The following MAP3K5 variants were observed in gnomAD, a reference collection of about 807,000 sequenced individuals.
The protein encoded by MAP3K5 is ASK-1.
MAP3K5 carries 56 observed loss-of-function variants against 158.7 expected under a neutral mutation model. The observed-to-expected ratio is 0.35, with a 90% CI of 0.28 to 0.44. MAP3K5 has a LOEUF of 0.44. Among genes scored for constraint, MAP3K5 ranks in the 20% least tolerant of loss-of-function variants. The pLI, the probability that MAP3K5 is intolerant of heterozygous loss-of-function variation, is 1.00. For synonymous variants in MAP3K5, 579 were observed against 601.7 expected, an observed-to-expected ratio of 0.96 and a Z score of 0.55; for missense variants, 1,294 against 1,674.8, an observed-to-expected ratio of 0.77 and a Z score of 3.97.
rs550451189 is a variant in MAP3K5 at position 136,757,908 on chromosome 6, C to A, written c.448+33802G>T. Among the ~76,000 whole-genome samples the A allele has an allele frequency of 2.6e-4, 40 of 152,130 alleles. No individual in the cohort carries two copies. The South Asian group carries it at 3.9e-3, about 15-fold the overall frequency. On this transcript the variant is annotated intron_variant, in intron 1 of 29. Transcript: ENST00000359015. ...CTCATTTTATAGATCTTAGAGGCTTCTTTTCATAACTGAAATATCTGAATA... is the reference window on the plus strand; with the variant it reads ...CTCATTTTATAGATCTTAGAGGCTTATTTTCATAACTGAAATATCTGAATA...
At chr6:136,606,687 G>A (rs1216778817) in intron 18 of MAP3K5, among the ~76,000 whole-genome samples, 1 of 152,214 alleles carries the variant, frequency 6.6e-6, no homozygotes, top group East Asian at 1.9e-4. Context: ...CATCCAAGAT[G>A]CCATGTTGAA....
At chr6:136,706,225 C>CA (rs943832355) in intron 2 of MAP3K5, among the ~76,000 whole-genome samples, 9 of 151,982 alleles carry the variant, frequency 5.9e-5, no homozygotes, top group Admixed American at 5.2e-4. Flanking sequence ...GAGATCGCAC[C>CA]ACTGCACTCT....
intron 29 of MAP3K5, among the ~76,000 whole-genome samples, chr6:136,558,063 C>G (rs1830327972): frequency 6.6e-6 from 1 of 152,184 alleles, no homozygotes; most frequent in Non-Finnish European, 1.5e-5. Context: ...TGAAATTTGT[C>G]TTTATAATGG....
chr6:136,572,990 A>G (rs112449697), intron 25 of MAP3K5, among the ~76,000 whole-genome samples: 1 of 152,370 alleles, frequency 6.6e-6, no homozygotes, highest in East Asian at 1.9e-4. Context: ...ACCTAGTTAT[A>G]TATATAATTC....
At chr6:136,607,279 T>A (rs1248464053) in intron 18 of MAP3K5, among the ~76,000 whole-genome samples, 1 of 152,214 alleles carries the variant, frequency 6.6e-6, no homozygotes, top group African/African-American at 2.4e-5. Context: ...TTATAGTGGA[T>A]CAAAATTTGG....
At chr6:136,599,362 G>T (rs988935231) in intron 21 of MAP3K5, among the ~76,000 whole-genome samples, 1 of 152,122 alleles carries the variant, frequency 6.6e-6, no homozygotes, top group Non-Finnish European at 1.5e-5. Flanking sequence ...CAAGAACGGC[G>T]AAAGGGCAGT....
At chr6:136,566,355 G>A (rs771616603) in intron 26 of MAP3K5, among the ~76,000 whole-genome samples, 2 of 152,158 alleles carry the variant, frequency 1.3e-5, no homozygotes, top group Non-Finnish European at 2.9e-5. Flanking sequence ...GGTGGGAGGA[G>A]GTCAACCAAA....
In MAP3K5 at chr6:136,609,852, A is replaced by G. The variant is rs1468507886; in HGVS notation, c.2521+1430T>C. ...GCCAGGCATGACATCCTAGATACTT[A>G]GGAGAGTGGGGTGGGTGGACTGCTT... On this transcript the variant is annotated intron_variant, in intron 18 of 29. Coordinates refer to ENST00000359015, the MANE Select transcript of MAP3K5 (RefSeq NM_005923.4). The surrounding 1 kb of genome is among the most constrained non-coding windows in gnomAD (Gnocchi z 4.4). Among the ~76,000 whole-genome samples the G allele has an allele frequency of 6.7e-6, 1 of 149,090 alleles. No homozygotes were observed. Among genetic ancestry groups the G allele is most frequent in the Admixed American group, 6.7e-5 (1 of 14,864 alleles).
intron 14 of MAP3K5, among the ~76,000 whole-genome samples, chr6:136,633,192 T>C (rs1205234894): frequency 1.3e-5 from 2 of 151,880 alleles, no homozygotes; most frequent in Non-Finnish European, 2.9e-5. Flanking sequence ...TGAGGTCAGA[T>C]GTTCAAGACC....
intron 9 of MAP3K5, among the ~76,000 whole-genome samples, chr6:136,657,772 G>A (rs1357523376): frequency 6.6e-6 from 1 of 152,138 alleles, no homozygotes; most frequent in South Asian, 2.1e-4. Context: ...AGTGTTCCTC[G>A]GAGAATGTGT....
At chr6:136,765,808 G>A (rs1783944627) in intron 1 of MAP3K5, among the ~76,000 whole-genome samples, 1 of 151,776 alleles carries the variant, frequency 6.6e-6, no homozygotes, top group Non-Finnish European at 1.5e-5. Flanking sequence ...GGGATTACAG[G>A]TGTGAGCCAC....
chr6:136,639,548 A>G lies in MAP3K5; in HGVS notation c.1929T>C (p.Cys643=). The stretch of plus-strand genomic sequence containing the variant: ...ACACAATGACTAATACGTACTTTTT[A>G]CAATGAAGTTCTGTACAGAAATAGA... ...FQIYFCTELH[C]KKFFEMVNTI... Residue 643 remains cysteine (C), a synonymous_variant, in exon 13 of 30, where the codon TGT becomes TGC. Coordinates refer to ENST00000359015, the MANE Select transcript of MAP3K5 (RefSeq NM_005923.4). The G allele has an allele frequency of 6.4e-7, 1 of 1,564,278 alleles. No individual in the cohort carries two copies. Among genetic ancestry groups the G allele is most frequent in the Non-Finnish European group, 8.7e-7 (1 of 1,146,318 alleles).
At chr6:136,593,944 G>T (rs1775509979) in intron 21 of MAP3K5, among the ~76,000 whole-genome samples, 1 of 152,184 alleles carries the variant, frequency 6.6e-6, no homozygotes. Context: ...GCTGTAGCGA[G>T]AAAGACGGAA....
intron 19 of MAP3K5, among the ~76,000 whole-genome samples, chr6:136,602,549 C>T (rs1775924182): frequency 6.6e-6 from 1 of 152,146 alleles, no homozygotes; most frequent in South Asian, 2.1e-4. Context: ...AGCAATCCAC[C>T]CACCTCAGCC....
At chr6:136,672,376 G>C (rs187778233) in intron 7 of MAP3K5, among the ~76,000 whole-genome samples, 1 of 152,186 alleles carries the variant, frequency 6.6e-6, no homozygotes, top group Non-Finnish European at 1.5e-5. Flanking sequence ...TCTTTCATGG[G>C]GCATTTGCTG....
intron 15 of MAP3K5, among the ~76,000 whole-genome samples, chr6:136,621,520 C>T (rs9389415): frequency 0.062 from 9,358 of 152,158 alleles, 637 homozygotes; most frequent in African/African-American, 0.16. Flanking sequence ...GAAAGTGCTG[C>T]AGTAAATAGG....
At chr6:136,591,686 T>C (rs1039518467) in intron 23 of MAP3K5, among the ~76,000 whole-genome samples, 1 of 152,228 alleles carries the variant, frequency 6.6e-6, no homozygotes, top group Non-Finnish European at 1.5e-5. Flanking sequence ...GAAGACTCAC[T>C]ACAATTTACT....
chr6:136,746,608 CGA>C (rs1782969709), intron 1 of MAP3K5, among the ~76,000 whole-genome samples: 1 of 151,908 alleles, frequency 6.6e-6, no homozygotes, highest in Non-Finnish European at 1.5e-5. Context: ...CTAATACCCA[CGA>C]GAGAGGGAGA....
intron 1 of MAP3K5, among the ~76,000 whole-genome samples, chr6:136,733,068 C>T (rs574953196): frequency 2.0e-4 from 31 of 152,318 alleles, no homozygotes; most frequent in African/African-American, 5.1e-4. Context: ...GGCATAATCA[C>T]GGCTCACTGC....
Sources: gnomAD v4.1 joint callset for allele counts (sites outside exome capture counted in the v4.1 genomes callset) on GRCh38, gnomAD v4.1.1 for gene constraint, Gnocchi (gnomAD v3.1) non-coding constraint, MANE v1.5 for transcripts, NCBI Gene and HGNC (gene_info 2026-07-23, HGNC 2026-07-21) for gene names.